Variants in ALG5 observed in about 807,000 individuals in gnomAD.
ALG5 encodes dolichyl-phosphate beta-glucosyltransferase.
ALG5 carries 26 observed loss-of-function variants against 51.8 expected under a neutral mutation model. The observed-to-expected ratio is 0.50, with a 90% confidence interval of 0.37 to 0.70. The LOEUF (loss-of-function observed/expected upper bound fraction) is 0.70. Among genes scored for constraint, ALG5 ranks in the 30% least tolerant of loss-of-function variants. The probability of loss-of-function intolerance (pLI) is 0.00; values close to 1 mark genes in which losing one functional copy is unlikely to be tolerated. For missense variants in ALG5, 311 were observed against 399.3 expected (o/e 0.78, Z 1.88); for synonymous variants, 141 against 136.1 (o/e 1.04, Z -0.25).
rs2138829381 is a variant in ALG5, at chr13:36,993,614, T to C, written c.344A>G (p.Gln115Arg). ...VIVVDDGSKD[Q>R]TSKVAFKYCQ... is the part of the protein sequence containing the mutation. The stretch of plus-strand genomic sequence containing the variant: ...AGCAAGTGTATTTACCTTTGAGGTC[T>C]GATCTTTACTGCCATCATCAACTAC... Residue 115 changes from glutamine (Q) to arginine (R), a missense_variant, in exon 4 of 10, where the codon CAG becomes CGG. Gln to Arg is a conservative substitution (Grantham distance 43, BLOSUM62 1). Transcript: ENST00000239891. The C allele has an allele frequency of 6.2e-7, 1 of 1,613,266 alleles. No homozygotes were observed. Among genetic ancestry groups the C allele is most frequent in the East Asian group, 2.2e-5 (1 of 44,872 alleles).
intron 8 of ALG5, among the ~76,000 whole-genome samples, chr13:36,963,498 G>GC (rs61112574): frequency 0.91 from 138,115 of 152,226 alleles, 62,838 homozygotes; most frequent in East Asian, 1. Context: ...TAGTTCTGGA[G>GC]CAATAGCTGA....
rs2058810296 is a variant in ALG5 at position 36,949,739 on chromosome 13, G to A, written c.*203C>T. 7.2e-6 allele frequency: 3 copies of A among 417,572 alleles called. No individual in the cohort carries two copies. The East Asian group carries it at 1.1e-4, about 16-fold the overall frequency. The allele number at this position is 417,572 out of a possible 1,614,324, so 25.9% of individuals were successfully genotyped here. A position where few individuals can be genotyped will look rare whatever the true frequency, so the allele number is the denominator to read the frequency against. On this transcript the variant is annotated 3_prime_UTR_variant, in exon 10 of 10. Coordinates refer to ENST00000239891, the MANE Select transcript of ALG5 (RefSeq NM_013338.5). ...AAGCTAAACAAACAAAAGAAAATCT[G>A]ACTTTTTAAATAAACATCTTTTAAA...
At chr13:36,995,319 AG>A in intron 2 of ALG5, 105 bp downstream of exon 2, 1 of 1,196,098 alleles carries the variant, frequency 8.4e-7, no homozygotes, top group East Asian at 2.4e-5. Flanking sequence ...TGCTCAACAC[AG>A]CCCACATCTA....
chr13:36,980,139 C>T (rs1156671221), intron 6 of ALG5, among the ~76,000 whole-genome samples: 4 of 152,080 alleles, frequency 2.6e-5, no homozygotes, highest in Non-Finnish European at 5.9e-5. Flanking sequence ...CACTTTTTAG[C>T]ATTTATTTTG....
rs1434636105 is a variant in ALG5, at chr13:36,972,056, T to C, written c.562-20A>G. The C allele has an allele frequency of 2.6e-6, 4 of 1,565,854 alleles. No homozygotes were observed. Among genetic ancestry groups the C allele is most frequent in the Non-Finnish European group, 3.5e-6 (4 of 1,149,488 alleles). On this transcript the variant is annotated intron_variant, in intron 6 of 9. Coordinates refer to ENST00000239891, the MANE Select transcript of ALG5 (RefSeq NM_013338.5). ...TTGATTCTGAGGGAAAAAGCAGAGA[T>C]AGTTTTTCAATATTTAAATATCACT...
intron 5 of ALG5, among the ~76,000 whole-genome samples, chr13:36,988,720 C>A (rs528243607): frequency 0.076 from 11,512 of 152,150 alleles, 1,457 homozygotes; most frequent in African/African-American, 0.26. Flanking sequence ...TTTCCCTTCT[C>A]CTTCCTGTTG....
intron 6 of ALG5, among the ~76,000 whole-genome samples, chr13:36,978,033 C>T (rs1221535553): frequency 1.3e-4 from 19 of 150,844 alleles, no homozygotes; most frequent in African/African-American, 3.4e-4. Context: ...ATTACAGGCA[C>T]GTGGCACCAT....
Position 36,969,541 on chromosome 13 carries a change from ATTTT to A in ALG5, c.621+2432_621+2435del, listed in dbSNP as rs2058911500. Reference sequence around the variant, plus strand: ...ATTTATTTTATTTATTTATTTATTTATTTTTTTGAGGAGGAGGTGTCTTACTCTG... The same window carrying A: ...ATTTATTTTATTTATTTATTTATTTATTTGAGGAGGAGGTGTCTTACTCTG... On this transcript the variant is annotated intron_variant, in intron 7 of 9. Coordinates refer to ENST00000239891, the MANE Select transcript of ALG5 (RefSeq NM_013338.5). Among the ~76,000 whole-genome samples the A allele has an allele frequency of 6.6e-5, 10 of 151,424 alleles. No individual in the cohort carries two copies. In the South Asian group the frequency reaches 2.1e-3, roughly 32 times the overall value.
intron 6 of ALG5, among the ~76,000 whole-genome samples, chr13:36,972,991 C>A (rs1294666133): frequency 7.3e-3 from 798 of 108,712 alleles, no homozygotes; most frequent in East Asian, 9.0e-3. Context: ...GACTCCGTCT[C>A]AAAAAAAAAA....
rs34782335 is a variant in ALG5, at chr13:36,978,189, G to GTTT, written c.562-6156_562-6154dup. Among the ~76,000 whole-genome samples the GTTT allele has an allele frequency of 1.9e-4, 24 of 124,772 alleles. 2 individuals carry two copies. The highest frequency in any genetic ancestry group is 2.5e-4 in the Non-Finnish European group (15 of 60,188). 81.9% of individuals were successfully genotyped at this position (124,772 alleles called of 152,430 possible). ...GCATGAGTCACTGCGCCCCACCTTT[G>GTTT]TTTTTTTTTTTTTTTTGAGACGGAA... On this transcript the variant is annotated intron_variant, in intron 6 of 9. Coordinates refer to ENST00000239891, the MANE Select transcript of ALG5 (RefSeq NM_013338.5).
intron 6 of ALG5, among the ~76,000 whole-genome samples, chr13:36,982,922 C>T (rs144061777): frequency 0.01 from 1,592 of 152,152 alleles, 13 homozygotes; most frequent in Middle Eastern, 0.037. Context: ...ACCAAGGCTA[C>T]GAATTAATAG....
chr13:36,980,080 T>C (rs762806215), intron 6 of ALG5, among the ~76,000 whole-genome samples: 7 of 152,078 alleles, frequency 4.6e-5, no homozygotes, highest in Non-Finnish European at 8.8e-5. Flanking sequence ...TAAAATAATT[T>C]AAAACCTAAG....
intron 3 of ALG5, among the ~76,000 whole-genome samples, chr13:36,994,185 T>C (rs943885268): frequency 2.0e-5 from 3 of 152,228 alleles, no homozygotes; most frequent in African/African-American, 7.2e-5. Context: ...CTCATACATA[T>C]TAAAGGCTCA....
At chr13:36,970,084 A>G (rs1365191548) in intron 7 of ALG5, among the ~76,000 whole-genome samples, 2 of 149,212 alleles carry the variant, frequency 1.3e-5, no homozygotes, top group Non-Finnish European at 3.0e-5. Context: ...TTATAATTAT[A>G]CACACATATA....
chr13:36,989,799 C>G (rs1224551684), intron 4 of ALG5, among the ~76,000 whole-genome samples: 4 of 152,104 alleles, frequency 2.6e-5, no homozygotes, highest in Non-Finnish European at 5.9e-5. Flanking sequence ...AGAGGAACCA[C>G]CACAGTGGGC....
chr13:36,995,659 TTA>T (rs2059046177), intron 1 of ALG5, 63 bp from the exon 2 acceptor site: 2 of 1,469,276 alleles, frequency 1.4e-6, no homozygotes, highest in Non-Finnish European at 1.9e-6. Context: ...TTTTCTGTAT[TTA>T]TGTTAGAATA....
intron 6 of ALG5, among the ~76,000 whole-genome samples, chr13:36,976,703 G>A (rs1342010778): frequency 2.6e-5 from 4 of 151,742 alleles, no homozygotes; most frequent in South Asian, 2.1e-4. Flanking sequence ...AGCCGAGATC[G>A]CACCACTGCA....
intron 1 of ALG5, chr13:36,998,997 T>C: frequency 2.6e-6 from 1 of 391,560 alleles, no homozygotes. Flanking sequence ...CGCTCCAGTG[T>C]GAAAAAACTT....
At chr13:36,970,779 C>T (rs562398576) in intron 7 of ALG5, among the ~76,000 whole-genome samples, 4 of 151,600 alleles carry the variant, frequency 2.6e-5, no homozygotes, top group Non-Finnish European at 4.4e-5. Flanking sequence ...GGCATGATGG[C>T]GTGTACCTGT....
Sources: gnomAD v4.1 joint callset for allele counts (sites outside exome capture counted in the v4.1 genomes callset) on GRCh38, gnomAD v4.1.1 for gene constraint, MANE v1.5 for transcripts, NCBI Gene and HGNC (gene_info 2026-07-23, HGNC 2026-07-21) for gene names.